The following PPARG variants were observed in gnomAD, a reference collection of about 807,000 sequenced individuals.
PPARG encodes the protein peroxisome proliferator-activated receptor gamma.
PPARG carries 17 observed loss-of-function variants against 39.2 expected under a neutral mutation model. The observed-to-expected ratio is 0.43, with a 90% CI of 0.30 to 0.65. The LOEUF (loss-of-function observed/expected upper bound fraction) is 0.65, where lower values mean the gene tolerates loss of function less well. PPARG is among the 30% of genes least tolerant of loss of function. The probability of loss-of-function intolerance (pLI) is 0.13; values close to 1 mark genes in which losing one functional copy is unlikely to be tolerated. For synonymous variants in PPARG, 223 were observed against 215.7 expected (o/e 1.03, Z -0.30); for missense variants, 406 against 585.9 (o/e 0.69, Z 3.17).
chr3:12,291,167 A>G (rs1057229838), intron 1 of PPARG, among the ~76,000 whole-genome samples: 3 of 152,196 alleles, frequency 2.0e-5, no homozygotes, highest in African/African-American at 7.2e-5. Flanking sequence ...TGAAGTCACT[A>G]GTGTGTAAGC....
chr3:12,392,118 T>C, intron 4 of PPARG, among the ~76,000 whole-genome samples: 1 of 152,150 alleles, frequency 6.6e-6, no homozygotes, highest in East Asian at 1.9e-4. Flanking sequence ...TGCAGGAAAT[T>C]ATGCAACATA....
intron 2 of PPARG, among the ~76,000 whole-genome samples, chr3:12,316,810 T>TA (rs34391565): frequency 1.7e-4 from 26 of 151,700 alleles, no homozygotes; most frequent in Non-Finnish European, 3.1e-4. Context: ...ATTGTGAGGT[T>TA]AAAAAAAATC....
intron 7 of PPARG, among the ~76,000 whole-genome samples, chr3:12,432,814 A>C (rs1375574412): frequency 6.6e-6 from 1 of 152,264 alleles, no homozygotes. Context: ...AAAATCAATT[A>C]GTTTTCTGCA....
chr3:12,387,115 A>G (rs991355436), intron 4 of PPARG, among the ~76,000 whole-genome samples: 2 of 152,182 alleles, frequency 1.3e-5, no homozygotes, highest in African/African-American at 4.8e-5. Flanking sequence ...AATCCAGTCA[A>G]TCATTGATGG....
chr3:12,430,341 C>T (rs933337213), intron 7 of PPARG, among the ~76,000 whole-genome samples: 3 of 152,190 alleles, frequency 2.0e-5, no homozygotes, highest in African/African-American at 7.2e-5. Flanking sequence ...ACTGGTGGTT[C>T]AGAACGTAGT....
chr3:12,389,811 C>T (rs915175368), intron 4 of PPARG, among the ~76,000 whole-genome samples: 3 of 152,222 alleles, frequency 2.0e-5, no homozygotes, highest in South Asian at 2.1e-4. Flanking sequence ...GCCCAAGAAT[C>T]GCTTGAACCT....
At chr3:12,414,174 G>T (rs2050979505) in intron 6 of PPARG, among the ~76,000 whole-genome samples, 2 of 152,210 alleles carry the variant, frequency 1.3e-5, no homozygotes. Context: ...TTGAGCAGAA[G>T]CTCTGAAAGT....
chr3:12,311,964 A>G (rs1199263150), intron 1 of PPARG, among the ~76,000 whole-genome samples: 1 of 152,216 alleles, frequency 6.6e-6, no homozygotes, highest in African/African-American at 2.4e-5. Context: ...TAACTTCTCA[A>G]ACATTAACTT....
upstream of PPARG, chr3:12,287,822 A>ACCCCCC (rs2046542095): frequency 2.1e-4 from 4 of 18,648 alleles, no homozygotes; most frequent in Non-Finnish European, 4.7e-4. Context: ...CCCCGCCCCC[A>ACCCCCC]CCCCCACCCC....
intron 2 of PPARG, among the ~76,000 whole-genome samples, chr3:12,362,782 C>G (rs1260284097): frequency 6.6e-6 from 1 of 151,926 alleles, no homozygotes; most frequent in African/African-American, 2.4e-5. Flanking sequence ...GGTATGATGG[C>G]TACTCTAGGA....
At chr3:12,353,231 A>G (rs1402197233) in intron 2 of PPARG, among the ~76,000 whole-genome samples, 5 of 152,222 alleles carry the variant, frequency 3.3e-5, no homozygotes, top group African/African-American at 7.2e-5. Flanking sequence ...GCAGAATGAA[A>G]TTATTAGCAA....
At chr3:12,337,232 T>C (rs1420235823) in intron 2 of PPARG, among the ~76,000 whole-genome samples, 3 of 152,152 alleles carry the variant, frequency 2.0e-5, no homozygotes, top group African/African-American at 7.2e-5. Context: ...CAAGTCTTAG[T>C]GGATGGCAGA....
At position 12,330,957 on chromosome 3, in the gene PPARG, T is replaced by G. The variant is rs113473194; in HGVS notation, c.-9+18504T>G. On this transcript the variant is annotated intron_variant, in intron 2 of 7. Coordinates refer to ENST00000651735, the MANE Select transcript of PPARG (RefSeq NM_138711.6). Reference sequence around the variant, plus strand: ...GTTTTTATATCAATAATCTAAAAGGTCATTAGAAAGCCCACATTTCACAAT... The same window carrying G: ...GTTTTTATATCAATAATCTAAAAGGGCATTAGAAAGCCCACATTTCACAAT... Among the ~76,000 whole-genome samples, 215 of 152,296 alleles carry G rather than the reference T, an allele frequency of 1.4e-3. 1 individual carries two copies. Among genetic ancestry groups the G allele is most frequent in the African/African-American group, 5.1e-3 (210 of 41,552 alleles).
chr3:12,359,406 A>G (rs914852093), intron 2 of PPARG, among the ~76,000 whole-genome samples: 1 of 152,160 alleles, frequency 6.6e-6, no homozygotes, highest in Non-Finnish European at 1.5e-5. Flanking sequence ...TACAAAGAAA[A>G]CATTATAAAA....
In PPARG at chr3:12,406,010, T is replaced by C. The variant is rs1369335310; in HGVS notation, c.658T>C (p.Tyr220His). The C allele has an allele frequency of 6.2e-7, 1 of 1,614,146 alleles. No homozygotes were observed. The highest frequency in any genetic ancestry group is 8.5e-7 in the Non-Finnish European group (1 of 1,180,004). Residue 220 changes from tyrosine to histidine, a missense_variant, in exon 6 of 8, where the codon TAC becomes CAC. This residue lies in a region of PPARG where 275 missense variants were observed against 458.0 expected (regional missense o/e 0.60). Coordinates refer to ENST00000651735, the MANE Select transcript of PPARG (RefSeq NM_138711.6). ...RALAKHLYDS[Y>H]IKSFPLTKAK... ...CCTGGCAAAACATTTGTATGACTCATACATAAAGTCCTTCCCGCTGACCAA... is the reference window on the plus strand; with the variant it reads ...CCTGGCAAAACATTTGTATGACTCACACATAAAGTCCTTCCCGCTGACCAA...
chr3:12,417,874 TTTC>T (rs2051116145), intron 7 of PPARG, among the ~76,000 whole-genome samples: 1 of 142,090 alleles, frequency 7.0e-6, no homozygotes, highest in East Asian at 2.0e-4. Flanking sequence ...GTGTGACTTT[TTTC>T]TTTTTTTTTT....
chr3:12,368,134 A>G (rs1205391212), intron 2 of PPARG, among the ~76,000 whole-genome samples: 1 of 151,842 alleles, frequency 6.6e-6, no homozygotes, highest in Non-Finnish European at 1.5e-5. Flanking sequence ...GAAGAAGCAA[A>G]TGACACACCA....
chr3:12,394,150 A>G (rs1281668305), intron 5 of PPARG, among the ~76,000 whole-genome samples: 2 of 152,244 alleles, frequency 1.3e-5, no homozygotes, highest in African/African-American at 2.4e-5. Flanking sequence ...TCAAGTTGCA[A>G]TAAACTTATT....
chr3:12,380,453 A>G (rs186514031), intron 3 of PPARG, among the ~76,000 whole-genome samples: 2 of 152,340 alleles, frequency 1.3e-5, no homozygotes, highest in Admixed American at 1.3e-4. Flanking sequence ...CATGCCATTA[A>G]CTAAATCAAC....
Sources: allele counts gnomAD v4.1 joint callset (sites outside exome capture counted in the v4.1 genomes callset), GRCh38; gene constraint gnomAD v4.1.1; regional missense constraint gnomAD v4.1.1; transcripts MANE v1.5; gene names NCBI Gene and HGNC (gene_info 2026-07-23, HGNC 2026-07-21).